Variants in TNNT2 observed in about 807,000 individuals in gnomAD.
TNNT2 encodes the protein troponin T, cardiac muscle.
A neutral mutation model predicts 62.4 loss-of-function variants in TNNT2; 34 were observed. The ratio of observed to expected loss-of-function variants is 0.54; its 90% CI spans 0.41 to 0.72. The LOEUF is 0.72. TNNT2 is among the 30% of genes least tolerant of loss of function. The pLI is 0.00. For missense variants in TNNT2, 275 were observed against 381.9 expected (o/e 0.72, Z 2.33); for synonymous variants, 123 against 127.2 (o/e 0.97, Z 0.22).
intron 1 of TNNT2, 138 bp downstream of exon 1, chr1:201,377,485 T>C (rs1246514658): frequency 4.4e-6 from 2 of 454,424 alleles, no homozygotes; most frequent in Non-Finnish European, 8.8e-6. Flanking sequence ...TCCTCTGAAG[T>C]GTGGCCTCCA....
chr1:201,360,603 A>G (rs1658431228), intron 15 of TNNT2: 1 of 154,902 alleles, frequency 6.5e-6, no homozygotes, highest in South Asian at 2.0e-4. Context: ...GAGCCTGCCC[A>G]GCGAGGGGCT....
At chr1:201,373,020 T>G in intron 2 of TNNT2, 194 bp downstream of exon 2, 1 of 719,436 alleles carries the variant, frequency 1.4e-6, no homozygotes, top group Non-Finnish European at 2.5e-6. Flanking sequence ...TCTCTCGGCC[T>G]GTGCTCTGCC....
At position 201,364,334 on chromosome 1, in the gene TNNT2, C is replaced by T. The variant is rs786204406; in HGVS notation, c.453G>A (p.Arg151=). The change falls in exon 11 of 17, where the codon CGG becomes CGA. Residue 151 remains arginine, a synonymous_variant. Coordinates refer to ENST00000656932, the MANE Select transcript of TNNT2 (RefSeq NM_001276345.2). ...TCTGCCGCTCCTTCTCCCGCTCATT[C>T]CGGATGCGCTGCTGCTCGGCCCGCT... ...RAERAEQQRI[R]NEREKERQNR... is the part of the protein sequence containing the mutation. 3 of 1,613,380 alleles carry T rather than the reference C, an allele frequency of 1.9e-6. No homozygotes were observed. The highest frequency in any genetic ancestry group is 1.1e-5 in the South Asian group (1 of 91,024).
intron 9 of TNNT2, 147 bp downstream of exon 9, chr1:201,365,463 C>G: frequency 8.4e-7 from 1 of 1,188,040 alleles, no homozygotes; most frequent in African/African-American, 1.5e-5. Flanking sequence ...CCCAGGACCA[C>G]GCTCATGGAT....
intron 8 of TNNT2, 30 bp from the exon 9 acceptor site, chr1:201,365,700 C>A (rs759381316): frequency 6.2e-7 from 1 of 1,611,698 alleles, no homozygotes; most frequent in African/African-American, 1.3e-5. Flanking sequence ...TCAGCATCAG[C>A]CCCATTCTGG....
At position 201,363,221 on chromosome 1, in the gene TNNT2, A is replaced by G. The variant is rs895777196; in HGVS notation, c.600+75T>C. 3.4e-5 allele frequency: 55 copies of G among 1,611,472 alleles called. No homozygotes were observed. The Admixed American group carries it at 6.0e-4, about 18-fold the overall frequency. On this transcript the variant is annotated intron_variant, in intron 12 of 16. Coordinates refer to ENST00000656932, the MANE Select transcript of TNNT2 (RefSeq NM_001276345.2). ...CTTCCTGGGACCTGACCTAAAGTCT[A>G]CCTGCTGCAGTGGACACCTCATTCC...
chr1:201,363,197 T>C (rs1659020340), intron 12 of TNNT2, 99 bp downstream of exon 12: 2 of 1,604,036 alleles, frequency 1.2e-6, no homozygotes, highest in South Asian at 1.1e-5. Context: ...TGGGAATCTC[T>C]TCCTGGGACC....
At chr1:201,366,242 T>G in intron 8 of TNNT2, 1 of 1,019,612 alleles carries the variant, frequency 9.8e-7, no homozygotes, top group South Asian at 4.1e-5. Flanking sequence ...TGGGATGTCT[T>G]GGGCTGGTTT....
At chr1:201,366,306 G>A in intron 8 of TNNT2, 1 of 1,025,880 alleles carries the variant, frequency 9.7e-7, no homozygotes, top group Non-Finnish European at 1.2e-6. Context: ...GGTGCCATGG[G>A]TCAACCTCTG....
At chr1:201,359,476 G>A (rs189186464) in intron 16 of TNNT2, 147 bp downstream of exon 16, 168 of 994,582 alleles carry the variant, frequency 1.7e-4, no homozygotes, top group Non-Finnish European at 2.3e-4. Context: ...ACGAGGCCCC[G>A]GAGGAGCCAG....
At chr1:201,362,785 C>A (rs61819995) in intron 12 of TNNT2, among the ~76,000 whole-genome samples, 2,120 of 152,284 alleles carry the variant, frequency 0.014, 19 homozygotes, top group Non-Finnish European at 0.022. Flanking sequence ...AGTTAGGGAT[C>A]GAGAGTGAGT....
At chr1:201,359,749 C>A in intron 15 of TNNT2, 86 bp from the exon 16 acceptor site, 1 of 1,160,054 alleles carries the variant, frequency 8.6e-7, no homozygotes. Flanking sequence ...GAGAAGGGGG[C>A]TGAGTGCAGC....
Position 201,362,200 on chromosome 1 carries a change from G to T in TNNT2, c.610-178C>A, listed in dbSNP as rs1375203388. 5.7e-6 allele frequency: 7 copies of T among 1,229,122 alleles called. No homozygotes were observed. The African/African-American group carries it at 9.0e-5, about 16-fold the overall frequency. 76.1% of individuals were successfully genotyped at this position (1,229,122 alleles called of 1,614,324 possible). On this transcript the variant is annotated intron_variant, in intron 13 of 16. Transcript: ENST00000656932. ...GTATTCCCTAGGGAAACTGAGGTAG[G>T]GGCAAGAAGGATCACGTCAGTCTCT...
intron 6 of TNNT2, 65 bp downstream of exon 6, chr1:201,368,097 T>G: frequency 6.5e-7 from 1 of 1,543,346 alleles, no homozygotes; most frequent in Non-Finnish European, 9.0e-7. Flanking sequence ...TCTTACTGCC[T>G]CAGGAATGGC....
intron 9 of TNNT2, 77 bp from the exon 10 acceptor site, chr1:201,365,384 C>A (rs557730232): frequency 8.2e-6 from 11 of 1,343,644 alleles, no homozygotes; most frequent in Non-Finnish European, 1.2e-5. Context: ...TAGACACCCC[C>A]CAACGCAGTG....
chr1:201,374,378 G>A (rs1295921199), intron 1 of TNNT2: 1 of 152,084 alleles, frequency 6.6e-6, no homozygotes, highest in Non-Finnish European at 1.5e-5. Flanking sequence ...GGGTGTTTAG[G>A]CGAGTCTTTT....
At chr1:201,364,232 C>T (rs552040241) in intron 11 of TNNT2, 66 bp downstream of exon 11, 14 of 1,504,878 alleles carry the variant, frequency 9.3e-6, no homozygotes, top group African/African-American at 1.4e-5. Context: ...TAGAGAGGGG[C>T]CTGGGGGCCC....
At position 201,366,058 on chromosome 1, in the gene TNNT2, G is replaced by A. The variant is rs546782705; in HGVS notation, c.234-388C>T. 3.5e-6 allele frequency: 4 copies of A among 1,155,546 alleles called. No individual in the cohort carries two copies. The East Asian group carries it at 2.3e-4, about 67-fold the overall frequency. The allele number at this position is 1,155,546 out of a possible 1,614,324, so 71.6% of individuals were successfully genotyped here. A position where few individuals can be genotyped will look rare whatever the true frequency, so the allele number is the denominator to read the frequency against. On this transcript the variant is annotated intron_variant, in intron 8 of 16. Coordinates refer to ENST00000656932, the MANE Select transcript of TNNT2 (RefSeq NM_001276345.2). ...TCCCCTGGTGGACCCCGCAGAAACT[G>A]GCCATGAACCTGGGAGTCTTGCAGT...
intron 8 of TNNT2, chr1:201,366,300 C>T (rs962744282): frequency 2.0e-6 from 2 of 1,023,620 alleles, no homozygotes; most frequent in Non-Finnish European, 2.3e-6. Context: ...GGCAGAGGTG[C>T]CATGGGTCAA....
Sources: gnomAD v4.1 joint callset for allele counts (sites outside exome capture counted in the v4.1 genomes callset) on GRCh38, gnomAD v4.1.1 for gene constraint, MANE v1.5 for transcripts, NCBI Gene and HGNC (gene_info 2026-07-23, HGNC 2026-07-21) for gene names.